The following CFAP47 variants were observed in gnomAD, a reference collection of about 807,000 sequenced individuals.
CFAP47 encodes cilia and flagella associated protein 47, also known as cilia- and flagella-associated protein 47.
A neutral mutation model predicts 148.1 loss-of-function variants in CFAP47; 29 were observed. The observed-to-expected ratio is 0.20, with a 90% CI of 0.15 to 0.27. The LOEUF (loss-of-function observed/expected upper bound fraction) is 0.27. Among genes scored for constraint, CFAP47 ranks in the 10% least tolerant of loss-of-function variants. CFAP47 has a pLI of 1.00. For missense variants in CFAP47, 1,872 were observed against 1,697.5 expected (o/e 1.10, Z -1.81); for synonymous variants, 664 against 577.3 (o/e 1.15, Z -2.15).
chrX:36,346,231 T>C (rs782331021), intron 57 of CFAP47, among the ~76,000 whole-genome samples: 1 of 110,845 alleles, frequency 9.0e-6, no homozygotes, highest in Non-Finnish European at 1.9e-5. Context: ...GTGTGTGTTT[T>C]TTTTTAAATA....
intron 25 of CFAP47, among the ~76,000 whole-genome samples, chrX:36,045,485 C>G (rs1365843353): frequency 9.0e-6 from 1 of 111,523 alleles, no homozygotes; most frequent in Non-Finnish European, 1.9e-5. Context: ...CAATGTAGTA[C>G]CTGGGTATTG....
intron 33 of CFAP47, among the ~76,000 whole-genome samples, chrX:36,114,361 A>G (rs1938605312): frequency 1.8e-5 from 2 of 110,972 alleles, no homozygotes; most frequent in Non-Finnish European, 3.8e-5. Flanking sequence ...ATTTCAGCCA[A>G]CTCAGCCTGG....
intron 45 of CFAP47, among the ~76,000 whole-genome samples, chrX:36,224,479 A>G (rs188775104): frequency 8.9e-6 from 1 of 111,990 alleles, no homozygotes; most frequent in East Asian, 2.8e-4. Flanking sequence ...CAGGTTTTGT[A>G]TAGTCTCCCT....
chrX:36,298,206 A>G (rs1239538724), intron 51 of CFAP47, among the ~76,000 whole-genome samples: 1 of 103,743 alleles, frequency 9.6e-6, no homozygotes, highest in African/African-American at 3.5e-5. Context: ...TGGCACATAT[A>G]CACCATGGAA....
intron 56 of CFAP47, among the ~76,000 whole-genome samples, chrX:36,316,571 T>C (rs782483794): frequency 8.9e-6 from 1 of 112,275 alleles, no homozygotes; most frequent in Non-Finnish European, 1.9e-5. Context: ...TTTTCCTCAG[T>C]ATATTAGTTT....
intron 15 of CFAP47, among the ~76,000 whole-genome samples, chrX:35,976,550 CACA>C (rs1425325186): frequency 9.0e-6 from 1 of 111,542 alleles, no homozygotes; most frequent in Non-Finnish European, 1.9e-5. Context: ...AAAACACTTT[CACA>C]ACAACATCTG....
chrX:36,064,777 C>G (rs2146752760), intron 26 of CFAP47, among the ~76,000 whole-genome samples: 1 of 111,591 alleles, frequency 9.0e-6, no homozygotes, highest in East Asian at 2.8e-4. Context: ...AAATATAGCC[C>G]TTCTATTAAA....
intron 3 of CFAP47, among the ~76,000 whole-genome samples, chrX:35,944,405 T>C (rs1172470192): frequency 1.8e-5 from 2 of 111,719 alleles, no homozygotes; most frequent in African/African-American, 6.5e-5. Context: ...TTCTTGGAGT[T>C]TCACTAAAGA....
chrX:36,229,334 G>A (rs190350384), intron 46 of CFAP47, among the ~76,000 whole-genome samples: 2 of 111,941 alleles, frequency 1.8e-5, no homozygotes, highest in Admixed American at 9.5e-5. Context: ...AAGTCAATCT[G>A]AAGCACAAAA....
At chrX:36,173,873 T>C (rs903396850) in intron 39 of CFAP47, among the ~76,000 whole-genome samples, 1 of 111,675 alleles carries the variant, frequency 9.0e-6, no homozygotes, top group African/African-American at 3.3e-5. Context: ...TTCTGTCTCA[T>C]TGATCTGTTT....
At chrX:36,327,473 C>G (rs1941527334) in intron 57 of CFAP47, among the ~76,000 whole-genome samples, 1 of 111,859 alleles carries the variant, frequency 8.9e-6, no homozygotes, top group Admixed American at 9.5e-5. Flanking sequence ...ATATCTGATG[C>G]TGGCATGGTT....
intron 32 of CFAP47, among the ~76,000 whole-genome samples, chrX:36,101,265 A>G (rs1473712147): frequency 8.9e-6 from 1 of 111,942 alleles, no homozygotes; most frequent in Non-Finnish European, 1.9e-5. Context: ...TTACACAGCA[A>G]CATGTTAACT....
chrX:36,011,457 C>T (rs1289659755), intron 21 of CFAP47, among the ~76,000 whole-genome samples: 1 of 111,917 alleles, frequency 8.9e-6, no homozygotes, highest in Admixed American at 9.5e-5. Context: ...TCTCCAAAAG[C>T]TCTCCTACTT....
intron 13 of CFAP47, among the ~76,000 whole-genome samples, chrX:35,974,866 G>A (rs1474745662): frequency 1.8e-5 from 2 of 110,753 alleles, no homozygotes; most frequent in African/African-American, 6.6e-5. Flanking sequence ...AAATTAAGGT[G>A]CTAAGATAAG....
chrX:36,366,916 C>A, intron 61 of CFAP47, 50 bp from the exon 62 acceptor site: 1 of 886,117 alleles, frequency 1.1e-6, no homozygotes, highest in Non-Finnish European at 1.5e-6. Flanking sequence ...TATTTATTCT[C>A]TTTACTTGTT....
At chrX:36,362,140 C>G (rs782025535) in intron 61 of CFAP47, among the ~76,000 whole-genome samples, 1 of 112,283 alleles carries the variant, frequency 8.9e-6, no homozygotes, top group African/African-American at 3.2e-5. Flanking sequence ...ATGATATACA[C>G]AAAGTACAGC....
intron 10 of CFAP47, among the ~76,000 whole-genome samples, chrX:35,968,511 G>A (rs1936442836): frequency 2.7e-5 from 3 of 111,593 alleles, no homozygotes; most frequent in Non-Finnish European, 3.8e-5. Context: ...ACCGGAATAA[G>A]TTTTTTTATT....
intron 49 of CFAP47, among the ~76,000 whole-genome samples, chrX:36,259,363 A>T (rs1441318717): frequency 9.0e-6 from 1 of 111,397 alleles, no homozygotes; most frequent in Non-Finnish European, 1.9e-5. Context: ...AAAATATATA[A>T]ATATATATGT....
chrX:36,235,258 C>A (rs902535431), intron 46 of CFAP47, among the ~76,000 whole-genome samples: 3 of 112,081 alleles, frequency 2.7e-5, no homozygotes, highest in Non-Finnish European at 3.8e-5. Flanking sequence ...CCTTGAGCTG[C>A]GGTGGGCTCC....
Sources: allele counts gnomAD v4.1 joint callset (sites outside exome capture counted in the v4.1 genomes callset), GRCh38; gene constraint gnomAD v4.1.1; transcripts MANE v1.5; gene names NCBI Gene and HGNC (gene_info 2026-07-23, HGNC 2026-07-21).